UNC13C: variants seen among roughly 807,000 people sequenced by gnomAD.
UNC13C encodes unc-13 homolog C.
Under a neutral mutation model 245.4 loss-of-function variants are expected in UNC13C, and 174 were observed. The observed-to-expected ratio is 0.71, with a 90% confidence interval of 0.63 to 0.80. The LOEUF is 0.80. UNC13C is among the 30% of genes least tolerant of loss of function. The pLI, the probability that UNC13C is intolerant of heterozygous loss-of-function variation, is 0.00. For synonymous variants in UNC13C, 992 were observed against 895.1 expected (o/e 1.11, Z -1.93); for missense variants, 2,829 against 2,602.9 (o/e 1.09, Z -1.89).
chr15:54,610,299 G>A lies in UNC13C; in HGVS notation c.6107-12028G>A, dbSNP rs922345760. Among the ~76,000 whole-genome samples the A allele has an allele frequency of 4.6e-5, 7 of 151,882 alleles. No individual in the cohort carries two copies. In the South Asian group the frequency reaches 6.2e-4, roughly 14 times the overall value. On this transcript the variant is annotated intron_variant, in intron 30 of 32. Coordinates refer to ENST00000260323, the MANE Select transcript of UNC13C (RefSeq NM_001080534.3). ...CGCCCAGGCAGGAGCACAGTGGCGC[G>A]ATCTCGGCTCACTTCAGCCTCCGCC...
chr15:54,162,142 G>T (rs1300636361), intron 4 of UNC13C, among the ~76,000 whole-genome samples: 1 of 152,124 alleles, frequency 6.6e-6, no homozygotes, highest in Non-Finnish European at 1.5e-5. Context: ...TGTGTACGTG[G>T]CTGATGTCTA....
intron 18 of UNC13C, among the ~76,000 whole-genome samples, 156 bp from the exon 19 acceptor site, chr15:54,414,826 T>C (rs1411109408): frequency 6.6e-6 from 1 of 152,118 alleles, no homozygotes; most frequent in Non-Finnish European, 1.5e-5. Flanking sequence ...GTAACATTTT[T>C]TTTTTTACTT....
the UNC13C span, among the ~76,000 whole-genome samples, chr15:53,839,174 C>G: frequency 6.6e-6 from 1 of 151,914 alleles, no homozygotes. Context: ...TGTGAGAAAT[C>G]TGTCTCCCAG....
chr15:54,346,194 AG>A (rs201759006), intron 17 of UNC13C, among the ~76,000 whole-genome samples: 2,200 of 152,248 alleles, frequency 0.014, 29 homozygotes, highest in South Asian at 0.029. Context: ...CCTGACTCTG[AG>A]TAGGGTTGAT....
chr15:54,448,710 G>T (rs1200545359), intron 19 of UNC13C, among the ~76,000 whole-genome samples: 1 of 152,066 alleles, frequency 6.6e-6, no homozygotes, highest in East Asian at 1.9e-4. Context: ...CACACTGATG[G>T]GTCTTGATTC....
At chr15:54,606,152 A>G (rs751734068) in intron 30 of UNC13C, among the ~76,000 whole-genome samples, 1 of 152,306 alleles carries the variant, frequency 6.6e-6, no homozygotes, top group South Asian at 2.1e-4. Flanking sequence ...CAAACATTCT[A>G]TTACTTGTCG....
intron 30 of UNC13C, among the ~76,000 whole-genome samples, chr15:54,600,810 C>T (rs927858593): frequency 2.0e-5 from 3 of 151,986 alleles, no homozygotes; most frequent in African/African-American, 7.2e-5. Context: ...CCATCATGGA[C>T]CAAGCACCAA....
At chr15:54,440,007 A>G (rs1890430272) in intron 19 of UNC13C, among the ~76,000 whole-genome samples, 2 of 151,790 alleles carry the variant, frequency 1.3e-5, no homozygotes, top group South Asian at 4.1e-4. Context: ...CCTCACCCAA[A>G]TCTCATCTTA....
At chr15:54,312,867 G>A (rs1361211420) in intron 13 of UNC13C, among the ~76,000 whole-genome samples, 1 of 151,812 alleles carries the variant, frequency 6.6e-6, no homozygotes, top group Non-Finnish European at 1.5e-5. Flanking sequence ...TTATATATCA[G>A]CAGTCACTGA....
the UNC13C span, among the ~76,000 whole-genome samples, chr15:53,878,729 T>C: frequency 6.6e-6 from 1 of 152,200 alleles, no homozygotes; most frequent in Non-Finnish European, 1.5e-5. Flanking sequence ...AATGATGATA[T>C]TCCTAATTCA....
At chr15:53,943,869 G>A in the UNC13C span, among the ~76,000 whole-genome samples, 160 of 152,108 alleles carry the variant, frequency 1.1e-3, 5 homozygotes, top group East Asian at 0.029. Flanking sequence ...ACTCTGGAAT[G>A]TCTAAGTATC....
the UNC13C span, among the ~76,000 whole-genome samples, chr15:53,839,987 C>T: frequency 6.6e-6 from 1 of 152,020 alleles, no homozygotes; most frequent in Non-Finnish European, 1.5e-5. Context: ...TTCCCATCCC[C>T]CAATTAAGAC....
rs1461817024 is a variant in UNC13C at position 54,133,172 on chromosome 15, T to C, written c.2984-9846T>C. ...AGAATTTAGAGCTAGAAGATTTAGA[T>C]AGATGCTGGTGAAATATTCTTATTT... On this transcript the variant is annotated intron_variant, in intron 2 of 32. Transcript: ENST00000260323. Among the ~76,000 whole-genome samples the C allele has an allele frequency of 2.6e-5, 4 of 152,256 alleles. No individual in the cohort carries two copies. The East Asian group carries it at 7.7e-4, about 29-fold the overall frequency.
At chr15:54,257,692 G>GA (rs1298187140) in intron 8 of UNC13C, among the ~76,000 whole-genome samples, 1 of 152,104 alleles carries the variant, frequency 6.6e-6, no homozygotes, top group Non-Finnish European at 1.5e-5. Context: ...TTAGATCTGT[G>GA]ATCCTCCAAT....
rs989699165 is a variant in UNC13C, at chr15:54,013,248, T to A, written c.345T>A (p.Asp115Glu). ...NAKVTNSDNE[D>E]LLQELSSIES... is the part of the protein sequence containing the mutation. ...AAGTAACCAACAGTGATAATGAGGA[T>A]CTGCTTCAAGAGCTCTCTTCAATCG... The change falls in exon 2 of 33, where the codon GAT (aspartate) becomes GAA (glutamate). Residue 115 changes from aspartate (D) to glutamate (E), a missense_variant. Coordinates refer to ENST00000260323, the MANE Select transcript of UNC13C (RefSeq NM_001080534.3). 6.2e-7 allele frequency: 1 copy of A among 1,613,708 alleles called. No individual in the cohort carries two copies. Among genetic ancestry groups the A allele is most frequent in the Non-Finnish European group, 8.5e-7 (1 of 1,179,810 alleles).
At chr15:54,420,750 GC>G (rs1340341577) in intron 19 of UNC13C, among the ~76,000 whole-genome samples, 2 of 151,888 alleles carry the variant, frequency 1.3e-5, no homozygotes, top group Non-Finnish European at 2.9e-5. Context: ...AATGAGGTGA[GC>G]AAGAAATGAC....
At chr15:54,578,306 A>AT (rs1235013855) in intron 30 of UNC13C, among the ~76,000 whole-genome samples, 4 of 150,464 alleles carry the variant, frequency 2.7e-5, no homozygotes, top group Non-Finnish European at 5.9e-5. Flanking sequence ...TGTTTCTTTC[A>AT]TTTTTTGTCA....
chr15:54,536,035 G>A (rs1205205707), intron 26 of UNC13C, among the ~76,000 whole-genome samples: 1 of 151,934 alleles, frequency 6.6e-6, no homozygotes, highest in Non-Finnish European at 1.5e-5. Flanking sequence ...AAAGATCAGT[G>A]AAACAGAGTT....
intron 10 of UNC13C, among the ~76,000 whole-genome samples, chr15:54,288,434 A>G (rs2037205669): frequency 6.6e-6 from 1 of 152,068 alleles, no homozygotes; most frequent in Non-Finnish European, 1.5e-5. Flanking sequence ...ATAAATGAGG[A>G]CCATCCCAGG....
Sources: gnomAD v4.1 joint callset for allele counts (sites outside exome capture counted in the v4.1 genomes callset) on GRCh38, gnomAD v4.1.1 for gene constraint, MANE v1.5 for transcripts, NCBI Gene and HGNC (gene_info 2026-07-23, HGNC 2026-07-21) for gene names.